ENTPD1: variants seen among roughly 807,000 people sequenced by gnomAD.
ENTPD1 encodes the protein ATP diphosphohydrolase.
A neutral mutation model predicts 57.0 loss-of-function variants in ENTPD1; 33 were observed. The ratio of observed to expected loss-of-function variants is 0.58; its 90% confidence interval spans 0.44 to 0.77. The LOEUF (loss-of-function observed/expected upper bound fraction) is 0.77, where lower values mean the gene tolerates loss of function less well. ENTPD1 is among the 30% of genes least tolerant of loss of function. The pLI is 0.00. For missense variants in ENTPD1, 501 were observed against 603.4 expected (o/e 0.83, Z 1.78); for synonymous variants, 202 against 218.8 (o/e 0.92, Z 0.68).
At chr10:95,844,307 A>T (rs1308743244) in intron 4 of ENTPD1, among the ~76,000 whole-genome samples, 169 bp from the exon 5 acceptor site, 1 of 152,218 alleles carries the variant, frequency 6.6e-6, no homozygotes, top group Non-Finnish European at 1.5e-5. Flanking sequence ...TGCCTCATCC[A>T]AAAAAGGGGT....
chr10:95,870,899 C>T lies in ENTPD1; in HGVS notation c.*4516C>T, dbSNP rs1179174651. The T allele has an allele frequency of 1.0e-6, 1 of 985,438 alleles. No individual in the cohort carries two copies. The highest frequency in any genetic ancestry group is 1.2e-6 in the Non-Finnish European group (1 of 829,930). 61.0% of individuals were successfully genotyped at this position (985,438 alleles called of 1,614,324 possible). A position where few individuals can be genotyped will look rare whatever the true frequency, so the allele number is the denominator to read the frequency against. On this transcript the variant is annotated 3_prime_UTR_variant, in exon 10 of 10. Coordinates refer to ENST00000371205, the MANE Select transcript of ENTPD1 (RefSeq NM_001776.6). ...ATTTTCATGTTTGTGAGTCTGCAAG[C>T]CAGCTGGGCAGCTCTACTTCAGGTG...
At chr10:95,713,857 A>C (rs1398354365) in intron 1 of ENTPD1, among the ~76,000 whole-genome samples, 1 of 152,248 alleles carries the variant, frequency 6.6e-6, no homozygotes, top group African/African-American at 2.4e-5. Context: ...ATATCCATCC[A>C]TATAGCCATC....
chr10:95,732,286 C>T (rs529781130), intron 1 of ENTPD1, among the ~76,000 whole-genome samples: 1 of 152,072 alleles, frequency 6.6e-6, no homozygotes, highest in East Asian at 1.9e-4. Context: ...GCTTGTTCTG[C>T]CCTAGCTGTA....
At chr10:95,841,386 C>CAA (rs397764106) in intron 3 of ENTPD1, among the ~76,000 whole-genome samples, 11 of 148,196 alleles carry the variant, frequency 7.4e-5, no homozygotes, top group African/African-American at 2.0e-4. Context: ...GACTCCGTCT[C>CAA]AAAAAAAAAA....
At chr10:95,832,627 C>A (rs972783128) in intron 2 of ENTPD1, among the ~76,000 whole-genome samples, 9 of 152,212 alleles carry the variant, frequency 5.9e-5, no homozygotes, top group African/African-American at 2.2e-4. Context: ...AAGCACCAGA[C>A]TGACCCAATG....
chr10:95,738,491 C>T (rs2097996952), intron 1 of ENTPD1, among the ~76,000 whole-genome samples: 1 of 152,146 alleles, frequency 6.6e-6, no homozygotes, highest in South Asian at 2.1e-4. Flanking sequence ...CATTTTCCTG[C>T]ACCAAAGCTG....
intron 5 of ENTPD1, 71 bp downstream of exon 5, chr10:95,844,706 T>G: frequency 1.9e-6 from 3 of 1,580,952 alleles, no homozygotes; most frequent in Non-Finnish European, 1.7e-6. Flanking sequence ...AGGCAGTACT[T>G]GGGTCGCTAG....
the ENTPD1 span, among the ~76,000 whole-genome samples, chr10:95,700,730 G>A: frequency 6.6e-6 from 1 of 151,214 alleles, no homozygotes; most frequent in Non-Finnish European, 1.5e-5. Context: ...AAACAAATAA[G>A]TCCAAATATA....
chr10:95,736,922 A>G (rs17553185), intron 1 of ENTPD1, among the ~76,000 whole-genome samples: 1,801 of 152,358 alleles, frequency 0.012, 17 homozygotes, highest in South Asian at 0.017. Context: ...AAACAATGCT[A>G]TAATATAAAA....
At chr10:95,810,460 G>A (rs2098300670) in intron 1 of ENTPD1, among the ~76,000 whole-genome samples, 2 of 147,300 alleles carry the variant, frequency 1.4e-5, no homozygotes, top group Non-Finnish European at 3.0e-5. Flanking sequence ...GCCGGGCAGA[G>A]GCGCTCCTCA....
At chr10:95,807,499 C>T (rs1215288515) in intron 1 of ENTPD1, among the ~76,000 whole-genome samples, 4 of 152,234 alleles carry the variant, frequency 2.6e-5, no homozygotes, top group Admixed American at 6.5e-5. Context: ...CTTCAGCTCA[C>T]CCTCTGTGGG....
intron 1 of ENTPD1, among the ~76,000 whole-genome samples, chr10:95,740,675 A>G (rs2097999439): frequency 6.6e-6 from 1 of 152,118 alleles, no homozygotes; most frequent in Admixed American, 6.5e-5. Context: ...TACATTGAAA[A>G]TCTGTTGTTT....
At chr10:95,787,849 T>C (rs1001021719) in intron 1 of ENTPD1, among the ~76,000 whole-genome samples, 1 of 152,180 alleles carries the variant, frequency 6.6e-6, no homozygotes, top group African/African-American at 2.4e-5. Context: ...GTATGTGAAG[T>C]GCCTACTACA....
intron 8 of ENTPD1, among the ~76,000 whole-genome samples, chr10:95,863,117 G>C (rs1440199481): frequency 6.6e-6 from 1 of 152,178 alleles, no homozygotes; most frequent in African/African-American, 2.4e-5. Flanking sequence ...TGCCTTTTTG[G>C]CTTCTATATT....
chr10:95,722,613 A>G (rs1056880986), intron 1 of ENTPD1, among the ~76,000 whole-genome samples: 14 of 138,778 alleles, frequency 1.0e-4, no homozygotes, highest in Non-Finnish European at 7.7e-5. Flanking sequence ...ACATGGACAC[A>G]GGAAGGGGAA....
rs1590246388 is a variant in ENTPD1, at chr10:95,876,668, C to T, written c.*10285C>T. On this transcript the variant is annotated 3_prime_UTR_variant, in exon 10 of 10. Transcript: ENST00000371205. ...TCTTCTGGACAGGCCATTCTAATAACAGAAACAAACAAGTTATTTTAAAAC... is the reference window on the plus strand; with the variant it reads ...TCTTCTGGACAGGCCATTCTAATAATAGAAACAAACAAGTTATTTTAAAAC... 4.1e-6 allele frequency: 5 copies of T among 1,222,100 alleles called. No individual in the cohort carries two copies. Among genetic ancestry groups the T allele is most frequent in the Non-Finnish European group, 5.1e-6 (5 of 981,472 alleles). 75.7% of individuals were successfully genotyped at this position (1,222,100 alleles called of 1,614,324 possible).
Position 95,872,414 on chromosome 10 carries a change from T to C in ENTPD1, c.*6031T>C, listed in dbSNP as rs571139018. On this transcript the variant is annotated 3_prime_UTR_variant, in exon 10 of 10. Coordinates refer to ENST00000371205, the MANE Select transcript of ENTPD1 (RefSeq NM_001776.6). ...TATACTACACTACAGCCAGGTAGAATGACTGTTCACCCAACACCACTCAGG... is the reference window on the plus strand; with the variant it reads ...TATACTACACTACAGCCAGGTAGAACGACTGTTCACCCAACACCACTCAGG... 1.4e-5 allele frequency: 14 copies of C among 985,466 alleles called. No homozygotes were observed. The South Asian group carries it at 3.8e-4, about 26-fold the overall frequency. The allele number at this position is 985,466 out of a possible 1,614,324, so 61.0% of individuals were successfully genotyped here.
intron 1 of ENTPD1, chr10:95,784,914 C>T: frequency 6.6e-6 from 1 of 152,204 alleles, no homozygotes; most frequent in East Asian, 1.9e-4. Context: ...ATGTGTGAGG[C>T]ACAAAGTAAT....
chr10:95,832,581 T>G (rs1201583375), intron 2 of ENTPD1, among the ~76,000 whole-genome samples: 1 of 152,160 alleles, frequency 6.6e-6, no homozygotes, highest in Non-Finnish European at 1.5e-5. Context: ...AGCACAAACA[T>G]TCCACATTTT....
Sources: gnomAD v4.1 joint callset for allele counts (sites outside exome capture counted in the v4.1 genomes callset) on GRCh38, gnomAD v4.1.1 for gene constraint, MANE v1.5 for transcripts, NCBI Gene and HGNC (gene_info 2026-07-23, HGNC 2026-07-21) for gene names.